The following LYRM4 variants were observed in gnomAD, a reference collection of about 807,000 sequenced individuals.
LYRM4 encodes the protein LYR motif-containing protein 4.
In LYRM4, 9 loss-of-function variants were observed where a neutral mutation model predicts 11.7. The ratio of observed to expected loss-of-function variants is 0.77; its 90% CI spans 0.46 to 1.34. LYRM4 has a LOEUF of 1.34. Among genes scored for constraint, LYRM4 ranks in the 40% most tolerant of loss-of-function variants. The probability of loss-of-function intolerance (pLI) is 0.00; values close to 1 mark genes in which losing one functional copy is unlikely to be tolerated. For synonymous variants in LYRM4, 42 were observed against 40.4 expected (o/e 1.04, Z -0.15); for missense variants, 133 against 112.5 (o/e 1.18, Z -0.82).
At chr6:5,117,634 T>A (rs1029528327) in intron 2 of LYRM4, among the ~76,000 whole-genome samples, 1 of 152,170 alleles carries the variant, frequency 6.6e-6, no homozygotes, top group African/African-American at 2.4e-5. Context: ...AGTCTCGTAT[T>A]GATCTTCATG....
chr6:5,065,885 G>T, the LYRM4 span: 1 of 236,554 alleles, frequency 4.2e-6, no homozygotes, highest in African/African-American at 2.3e-5. Flanking sequence ...AAGTCTTGAG[G>T]GTACATGTTA....
At chr6:5,224,725 C>T (rs1424380664) in intron 1 of LYRM4, among the ~76,000 whole-genome samples, 11 of 152,132 alleles carry the variant, frequency 7.2e-5, no homozygotes, top group Non-Finnish European at 1.2e-4. Context: ...TCTGGGAGGC[C>T]GAGGTGGGTG....
At chr6:5,118,809 C>G (rs1198408218) in intron 2 of LYRM4, among the ~76,000 whole-genome samples, 2 of 152,224 alleles carry the variant, frequency 1.3e-5, no homozygotes, top group African/African-American at 2.4e-5. Flanking sequence ...CCCAAACTTA[C>G]GAATATCGAC....
At chr6:5,150,012 G>A (rs1757998643) in intron 2 of LYRM4, among the ~76,000 whole-genome samples, 1 of 152,212 alleles carries the variant, frequency 6.6e-6, no homozygotes, top group Admixed American at 6.5e-5. Context: ...ATGCACAGAA[G>A]CAGATGAACA....
chr6:5,212,646 G>A lies in LYRM4; in HGVS notation c.207+3972C>T, dbSNP rs563513117. Among the ~76,000 whole-genome samples, 194 of 152,330 alleles carry A rather than the reference G, an allele frequency of 1.3e-3. 1 individual carries two copies. The highest frequency in any genetic ancestry group is 4.4e-3 in the African/African-American group (181 of 41,580). On this transcript the variant is annotated intron_variant, in intron 2 of 2. Transcript: ENST00000330636. ...CCTATAAGAGCTTTCAGGGTCAGCT[G>A]GCTTTACAGAATCATCTTATATGGA... is the stretch of plus-strand genomic sequence containing the variant.
chr6:5,035,235 C>G, the LYRM4 span, among the ~76,000 whole-genome samples: 2 of 152,052 alleles, frequency 1.3e-5, no homozygotes, highest in African/African-American at 4.8e-5. Flanking sequence ...GTGCTTCCCA[C>G]TACCCTTACC....
intron 2 of LYRM4, among the ~76,000 whole-genome samples, chr6:5,135,995 T>A (rs1182168960): frequency 3.3e-5 from 5 of 152,214 alleles, no homozygotes; most frequent in Non-Finnish European, 7.3e-5. Flanking sequence ...GTAAGTGGAA[T>A]CATACAGCAT....
intron 2 of LYRM4, among the ~76,000 whole-genome samples, chr6:5,124,303 G>A (rs1372406590): frequency 2.0e-5 from 3 of 152,138 alleles, no homozygotes; most frequent in African/African-American, 4.8e-5. Context: ...TGCTGCCCCC[G>A]CTGCTCTGTC....
the LYRM4 span, among the ~76,000 whole-genome samples, chr6:5,047,771 G>A: frequency 0.074 from 11,224 of 152,246 alleles, 1,334 homozygotes; most frequent in African/African-American, 0.25. Context: ...TATTTGGACT[G>A]TGAACACCAA....
chr6:5,127,652 A>C (rs888680896), intron 2 of LYRM4, among the ~76,000 whole-genome samples: 3 of 152,226 alleles, frequency 2.0e-5, no homozygotes, highest in Non-Finnish European at 4.4e-5. Context: ...TGTATTGCTT[A>C]AATGACAATC....
intron 2 of LYRM4, among the ~76,000 whole-genome samples, chr6:5,137,469 T>C (rs747571813): frequency 6.6e-6 from 1 of 152,188 alleles, no homozygotes; most frequent in African/African-American, 2.4e-5. Flanking sequence ...CTCCTGGAGT[T>C]GGCCCCACTC....
intron 1 of LYRM4, among the ~76,000 whole-genome samples, chr6:5,217,965 T>C (rs1175484589): frequency 6.6e-6 from 1 of 152,084 alleles, no homozygotes; most frequent in African/African-American, 2.4e-5. Context: ...GCCCAGGCAG[T>C]GTCATGATCA....
chr6:5,250,164 C>T (rs1764364540), intron 1 of LYRM4, among the ~76,000 whole-genome samples: 1 of 151,796 alleles, frequency 6.6e-6, no homozygotes, highest in African/African-American at 2.4e-5. Context: ...CTTTGACTCC[C>T]TCATTATTTT....
At chr6:5,259,860 A>G (rs1764899942) in intron 1 of LYRM4, among the ~76,000 whole-genome samples, 1 of 152,238 alleles carries the variant, frequency 6.6e-6, no homozygotes, top group Admixed American at 6.5e-5. Flanking sequence ...CCATAAGAAA[A>G]TGATGGGTCA....
chr6:5,126,412 A>G (rs1763701218), intron 2 of LYRM4, among the ~76,000 whole-genome samples: 1 of 152,226 alleles, frequency 6.6e-6, no homozygotes, highest in Non-Finnish European at 1.5e-5. Flanking sequence ...TGCAGACAGC[A>G]GGCAGATAAC....
rs532905986 is a variant in LYRM4 at position 5,202,621 on chromosome 6, C to T, written c.207+13997G>A. On this transcript the variant is annotated intron_variant, in intron 2 of 2. Coordinates refer to ENST00000330636, the MANE Select transcript of LYRM4 (RefSeq NM_020408.6). ...CCTTTCCAAAGTGGTTTTTGGCCAC[C>T]CCACCCACCTTATTTCTCCCTAGTT... Among the ~76,000 whole-genome samples, 6 of 152,156 alleles carry T rather than the reference C, an allele frequency of 3.9e-5. No homozygotes were observed. The East Asian group carries it at 1.2e-3, about 29-fold the overall frequency.
downstream of LYRM4, chr6:5,108,214 C>G (rs1762724644): frequency 1.3e-5 from 2 of 152,714 alleles, no homozygotes; most frequent in African/African-American, 4.8e-5. Flanking sequence ...GAGGGGGTGA[C>G]AGTGCTGCAG....
the LYRM4 span, among the ~76,000 whole-genome samples, chr6:5,050,550 CT>C: frequency 6.6e-6 from 1 of 152,130 alleles, no homozygotes; most frequent in Non-Finnish European, 1.5e-5. Flanking sequence ...TTTATTTTTC[CT>C]TTATTACCCT....
chr6:5,216,078 C>G (rs993824304), intron 2 of LYRM4, among the ~76,000 whole-genome samples: 1 of 152,106 alleles, frequency 6.6e-6, no homozygotes, highest in Admixed American at 6.5e-5. Context: ...GGCACTTCCA[C>G]AAAACGAAAA....
Sources: allele counts gnomAD v4.1 joint callset (sites outside exome capture counted in the v4.1 genomes callset), GRCh38; gene constraint gnomAD v4.1.1; transcripts MANE v1.5; gene names NCBI Gene and HGNC (gene_info 2026-07-23, HGNC 2026-07-21).